Variants in AKR1C8 observed in about 807,000 individuals in gnomAD.
AKR1C8 encodes the protein aldo-keto reductase family 1 member C-like protein 1.
At chr10:5,166,391 T>C in the AKR1C8 span, among the ~76,000 whole-genome samples, 1 of 152,088 alleles carries the variant, frequency 6.6e-6, no homozygotes, top group African/African-American at 2.4e-5. Context: ...CAAACTATAC[T>C]ACAAGGCTAC....
At chr10:5,172,636 G>T in the AKR1C8 span, among the ~76,000 whole-genome samples, 1 of 152,076 alleles carries the variant, frequency 6.6e-6, no homozygotes, top group Admixed American at 6.6e-5. Context: ...GCAGAGATAA[G>T]TATGAAATTG....
the AKR1C8 span, among the ~76,000 whole-genome samples, chr10:5,121,322 T>C: frequency 6.6e-6 from 1 of 151,986 alleles, no homozygotes; most frequent in Non-Finnish European, 1.5e-5. Context: ...GACACTGGAG[T>C]AAGAGTCTTG....
the AKR1C8 span, among the ~76,000 whole-genome samples, chr10:5,122,692 T>G: frequency 6.6e-6 from 1 of 152,276 alleles, no homozygotes; most frequent in South Asian, 2.1e-4. Flanking sequence ...CAGAAAACAT[T>G]TTTTATAACG....
At chr10:5,162,199 T>A in the AKR1C8 span, among the ~76,000 whole-genome samples, 1 of 151,984 alleles carries the variant, frequency 6.6e-6, no homozygotes, top group Admixed American at 6.6e-5. Context: ...AAACTGTGAG[T>A]AAAACTAATA....
the AKR1C8 span, among the ~76,000 whole-genome samples, chr10:5,167,904 C>T: frequency 6.6e-6 from 1 of 151,946 alleles, no homozygotes; most frequent in Non-Finnish European, 1.5e-5. Flanking sequence ...TAGGAATGTT[C>T]CAAAATTGTA....
the AKR1C8 span, among the ~76,000 whole-genome samples, chr10:5,172,171 T>G: frequency 6.6e-6 from 1 of 152,144 alleles, no homozygotes; most frequent in South Asian, 2.1e-4. Context: ...AGTGGCATTT[T>G]ATAAAGCATT....
chr10:5,138,567 G>T, the AKR1C8 span, among the ~76,000 whole-genome samples: 3 of 152,130 alleles, frequency 2.0e-5, no homozygotes, highest in Admixed American at 2.0e-4. Context: ...TATCACAGTG[G>T]TCTTGAGGCG....
chr10:5,179,583 T>C, the AKR1C8 span, among the ~76,000 whole-genome samples: 1 of 150,756 alleles, frequency 6.6e-6, no homozygotes, highest in African/African-American at 2.5e-5. Context: ...TTTTCCAACT[T>C]GGTTCCATTC....
the AKR1C8 span, among the ~76,000 whole-genome samples, chr10:5,124,754 T>G: frequency 5.9e-5 from 9 of 152,122 alleles, no homozygotes; most frequent in Admixed American, 5.2e-4. Context: ...TACTAGTAAT[T>G]GCAAAGGGGA....
the AKR1C8 span, among the ~76,000 whole-genome samples, chr10:5,118,620 G>A: frequency 6.6e-6 from 1 of 152,160 alleles, no homozygotes; most frequent in Non-Finnish European, 1.5e-5. Flanking sequence ...GAGGAAAAGA[G>A]GATTGACATA....
chr10:5,184,512 C>T, the AKR1C8 span, among the ~76,000 whole-genome samples: 1 of 152,190 alleles, frequency 6.6e-6, no homozygotes, highest in African/African-American at 2.4e-5. Flanking sequence ...CACAGCAAAG[C>T]TGCCACTAAG....
At chr10:5,162,835 TACA>T in the AKR1C8 span, 2 of 529,962 alleles carry the variant, frequency 3.8e-6, no homozygotes. Context: ...CTGGCTACTG[TACA>T]CACAGAACTT....
At chr10:5,169,494 T>G in the AKR1C8 span, among the ~76,000 whole-genome samples, 1 of 52,832 alleles carries the variant, frequency 1.9e-5, no homozygotes, top group Non-Finnish European at 5.5e-5. Context: ...ATTAGTTCTT[T>G]TTAGCAGTGT....
chr10:5,146,105 A>T, the AKR1C8 span, among the ~76,000 whole-genome samples: 1 of 150,258 alleles, frequency 6.7e-6, no homozygotes, highest in Non-Finnish European at 1.5e-5. Context: ...AGAACAAAAA[A>T]CCAAACACCG....
the AKR1C8 span, among the ~76,000 whole-genome samples, chr10:5,126,172 T>C: frequency 6.6e-6 from 1 of 152,102 alleles, no homozygotes; most frequent in South Asian, 2.1e-4. Flanking sequence ...CTTTCCCCCC[T>C]TGTCCATCAA....
At chr10:5,154,264 A>G in the AKR1C8 span, 2 of 461,558 alleles carry the variant, frequency 4.3e-6, no homozygotes, top group Non-Finnish European at 4.5e-6. Context: ...GGGATGGGCT[A>G]AAATTCCCGA....
the AKR1C8 span, among the ~76,000 whole-genome samples, chr10:5,124,198 C>A: frequency 6.6e-6 from 1 of 151,900 alleles, no homozygotes; most frequent in African/African-American, 2.4e-5. Flanking sequence ...GTTTAAAATG[C>A]AAAATAAGTA....
At chr10:5,140,102 A>G in the AKR1C8 span, among the ~76,000 whole-genome samples, 205 of 152,318 alleles carry the variant, frequency 1.3e-3, 1 homozygote, top group African/African-American at 4.8e-3. Context: ...ATGAGATACC[A>G]TCTCACACCA....
chr10:5,132,942 G>A, the AKR1C8 span, among the ~76,000 whole-genome samples: 3 of 152,132 alleles, frequency 2.0e-5, no homozygotes, highest in Non-Finnish European at 2.9e-5. Context: ...AGTAATAAAT[G>A]TTGGGTATCC....
Sources: allele counts gnomAD v4.1 joint callset (sites outside exome capture counted in the v4.1 genomes callset), GRCh38; gene constraint gnomAD v4.1.1; transcripts MANE v1.5; gene names NCBI Gene and HGNC (gene_info 2026-07-23, HGNC 2026-07-21).